The following FAM135A variants were observed in gnomAD, a reference collection of about 807,000 sequenced individuals.
The protein encoded by FAM135A is protein FAM135A.
A neutral mutation model predicts 146.8 loss-of-function variants in FAM135A; 79 were observed. That is an observed-to-expected ratio of 0.54 (90% CI 0.45 to 0.65). The LOEUF (loss-of-function observed/expected upper bound fraction) is 0.65. Among genes scored for constraint, FAM135A ranks in the 30% least tolerant of loss-of-function variants. The pLI, the probability that FAM135A is intolerant of heterozygous loss-of-function variation, is 0.00. For missense variants in FAM135A, 1,623 were observed against 1,758.2 expected (o/e 0.92, Z 1.38); for synonymous variants, 562 against 603.6 (o/e 0.93, Z 1.01).
chr6:70,512,594 C>T (rs1791254459), intron 12 of FAM135A, among the ~76,000 whole-genome samples: 1 of 151,672 alleles, frequency 6.6e-6, no homozygotes, highest in African/African-American at 2.4e-5. Flanking sequence ...TTGCTTTTCT[C>T]TGCTGACTCC....
At chr6:70,551,608 C>CA (rs772612902) in intron 20 of FAM135A, among the ~76,000 whole-genome samples, 1 of 152,030 alleles carries the variant, frequency 6.6e-6, no homozygotes, top group Admixed American at 6.6e-5. Context: ...GACCCTGTCT[C>CA]AAAAAATAAA....
At chr6:70,501,971 C>A (rs114660708) in intron 11 of FAM135A, among the ~76,000 whole-genome samples, 96 of 152,296 alleles carry the variant, frequency 6.3e-4, no homozygotes, top group African/African-American at 2.3e-3. Flanking sequence ...GCTTTTCTCC[C>A]CTCACTAGAC....
intron 11 of FAM135A, among the ~76,000 whole-genome samples, chr6:70,497,721 T>C (rs1787611434): frequency 6.6e-6 from 1 of 152,232 alleles, no homozygotes; most frequent in Admixed American, 6.5e-5. Flanking sequence ...TGTTAAATTT[T>C]GTCAAAGGCC....
chr6:70,550,048 A>G (rs563742103), intron 20 of FAM135A, among the ~76,000 whole-genome samples: 3 of 152,324 alleles, frequency 2.0e-5, no homozygotes, highest in African/African-American at 7.2e-5. Flanking sequence ...AAGTTTGATC[A>G]TGAGATTGCA....
intron 13 of FAM135A, 95 bp from the exon 14 acceptor site, chr6:70,523,872 G>C: frequency 8.0e-7 from 1 of 1,243,114 alleles, no homozygotes; most frequent in Non-Finnish European, 1.1e-6. Flanking sequence ...ATGAGGGATA[G>C]GAATTGAGGA....
intron 11 of FAM135A, among the ~76,000 whole-genome samples, chr6:70,491,356 T>C (rs1785940589): frequency 6.6e-6 from 1 of 151,946 alleles, no homozygotes; most frequent in South Asian, 2.1e-4. Flanking sequence ...TTCTGTTCAC[T>C]CACTCAATTT....
chr6:70,440,132 A>G (rs1037576963), intron 4 of FAM135A, among the ~76,000 whole-genome samples: 1 of 152,360 alleles, frequency 6.6e-6, no homozygotes, highest in Middle Eastern at 3.4e-3. Flanking sequence ...TACATTTTCC[A>G]AAATTTAAAA....
At chr6:70,473,219 T>C (rs1440438348) in intron 5 of FAM135A, among the ~76,000 whole-genome samples, 1 of 152,176 alleles carries the variant, frequency 6.6e-6, no homozygotes, top group Non-Finnish European at 1.5e-5. Context: ...TTCCTTACTT[T>C]CTGGTATAAA....
At chr6:70,497,208 T>A (rs1391022476) in intron 11 of FAM135A, among the ~76,000 whole-genome samples, 1 of 152,178 alleles carries the variant, frequency 6.6e-6, no homozygotes, top group African/African-American at 2.4e-5. Context: ...CTTGAAGAGG[T>A]CCTTCACATC....
intron 18 of FAM135A, chr6:70,536,040 T>C: frequency 2.5e-6 from 1 of 407,338 alleles, no homozygotes; most frequent in Non-Finnish European, 4.3e-6. Context: ...AATATGTTGT[T>C]TCTATAAACA....
intron 5 of FAM135A, among the ~76,000 whole-genome samples, chr6:70,468,900 G>C (rs903522206): frequency 6.6e-6 from 1 of 152,166 alleles, no homozygotes; most frequent in Non-Finnish European, 1.5e-5. Context: ...ACTTCTGCTA[G>C]GGTGAAGGAG....
chr6:70,427,433 G>A (rs1164060626), intron 3 of FAM135A, among the ~76,000 whole-genome samples: 1 of 151,990 alleles, frequency 6.6e-6, no homozygotes, highest in East Asian at 1.9e-4. Flanking sequence ...TCAGAAGGCT[G>A]AGGCAGGAGA....
At chr6:70,543,153 TTTAAATA>T (rs1335987279) in intron 20 of FAM135A, among the ~76,000 whole-genome samples, 2 of 152,132 alleles carry the variant, frequency 1.3e-5, no homozygotes, top group Admixed American at 1.3e-4. Context: ...TCAAAAACAG[TTTAAATA>T]TTATATAGTA....
At chr6:70,452,074 A>T (rs928347211) in intron 4 of FAM135A, among the ~76,000 whole-genome samples, 3 of 151,950 alleles carry the variant, frequency 2.0e-5, no homozygotes, top group Non-Finnish European at 4.4e-5. Context: ...TCATTTTGTC[A>T]TTTATAGAAT....
At chr6:70,454,394 A>G (rs956090296) in intron 5 of FAM135A, among the ~76,000 whole-genome samples, 3 of 152,184 alleles carry the variant, frequency 2.0e-5, no homozygotes, top group Admixed American at 6.5e-5. Flanking sequence ...TTTGCTGTGC[A>G]GAAGCTCTTT....
intron 20 of FAM135A, among the ~76,000 whole-genome samples, chr6:70,547,912 G>A (rs186425022): frequency 2.8e-3 from 422 of 152,218 alleles, no homozygotes; most frequent in Middle Eastern, 0.014. Flanking sequence ...CAAATTAAAG[G>A]TAACCGTTCA....
chr6:70,546,258 T>C (rs1798849911), intron 20 of FAM135A, among the ~76,000 whole-genome samples: 2 of 152,242 alleles, frequency 1.3e-5, no homozygotes, highest in African/African-American at 2.4e-5. Context: ...CTCAAGTGTT[T>C]TAAAACAATC....
intron 5 of FAM135A, among the ~76,000 whole-genome samples, chr6:70,474,867 A>G (rs1782320249): frequency 6.6e-6 from 1 of 152,288 alleles, no homozygotes; most frequent in East Asian, 1.9e-4. Context: ...TATTGAGGTT[A>G]TATCACTAGG....
Position 70,533,148 on chromosome 6 carries a change from T to C in FAM135A, c.3776-12T>C. ...TTATCTCATCCTTTAAACATCATTTTTCATTTTTTAGGAAACAGTGCAGAT... is the reference window on the plus strand; with the variant it reads ...TTATCTCATCCTTTAAACATCATTTCTCATTTTTTAGGAAACAGTGCAGAT... On this transcript the variant is annotated splice_polypyrimidine_tract_variant and intron_variant, in intron 16 of 21. Coordinates refer to ENST00000418814, the MANE Select transcript of FAM135A (RefSeq NM_001162529.3). 2 of 1,604,494 alleles carry C rather than the reference T, an allele frequency of 1.2e-6. No individual in the cohort carries two copies. Among genetic ancestry groups the C allele is most frequent in the Non-Finnish European group, 1.7e-6 (2 of 1,171,934 alleles).
Sources: allele counts gnomAD v4.1 joint callset (sites outside exome capture counted in the v4.1 genomes callset), GRCh38; gene constraint gnomAD v4.1.1; transcripts MANE v1.5; gene names NCBI Gene and HGNC (gene_info 2026-07-23, HGNC 2026-07-21).